PKD2L2: variants seen among roughly 807,000 people sequenced by gnomAD.
The protein encoded by PKD2L2 is polycystin 2 like 2, transient receptor potential cation channel, also known as polycystin-2-like protein 2.
In PKD2L2, 67 loss-of-function variants were observed where a neutral mutation model predicts 83.9. The observed-to-expected ratio is 0.80, with a 90% CI of 0.66 to 0.98. The LOEUF is 0.98. Among genes scored for constraint, PKD2L2 ranks in the 50% least tolerant of loss-of-function variants. PKD2L2 has a pLI of 0.00. For missense variants in PKD2L2, 632 were observed against 717.2 expected (o/e 0.88, Z 1.36); for synonymous variants, 223 against 237.8 (o/e 0.94, Z 0.57).
rs1448317991 is a variant in PKD2L2 at position 137,899,032 on chromosome 5, TCTTG to T, written c.525-480_525-477del. ...TAATCCTTTAATCCTTAATGCATTG[TCTTG>T]CTTTAAAATTACTAGAATACTTATG... On this transcript the variant is annotated intron_variant, in intron 4 of 14. Transcript: ENST00000508883. Among the ~76,000 whole-genome samples the T allele has an allele frequency of 2.0e-5, 3 of 152,334 alleles. No individual in the cohort carries two copies. The South Asian group carries it at 6.2e-4, about 32-fold the overall frequency.
In PKD2L2 at chr5:137,932,087, G is replaced by A. The variant is rs556007044; in HGVS notation, c.1672-3710G>A. ...TAAAGACACAAAAATACCGGGCATG[G>A]TGGTTCATACCTGTAATCCCAGCAC... On this transcript the variant is annotated intron_variant, in intron 12 of 14. Coordinates refer to ENST00000508883, the MANE Select transcript of PKD2L2 (RefSeq NM_001300921.2). Among the ~76,000 whole-genome samples, 8 of 152,242 alleles carry A rather than the reference G, an allele frequency of 5.3e-5. No individual in the cohort carries two copies. In the East Asian group the frequency reaches 1.5e-3, roughly 29 times the overall value.
At position 137,894,694 on chromosome 5, in the gene PKD2L2, T is replaced by G. The variant is rs1756285022; in HGVS notation, c.524+85T>G. On this transcript the variant is annotated intron_variant, in intron 4 of 14. Transcript: ENST00000508883. The stretch of plus-strand genomic sequence containing the variant: ...TATGTGTCTTCCAAGTAACACCAGC[T>G]GGGTCCTGGAAGGGTAAGGAAACTG... The G allele has an allele frequency of 4.7e-6, 5 of 1,059,510 alleles. No individual in the cohort carries two copies. In the South Asian group the frequency reaches 7.5e-5, roughly 16 times the overall value. 65.6% of individuals were successfully genotyped at this position (1,059,510 alleles called of 1,614,324 possible).
chr5:137,921,523 G>A, intron 8 of PKD2L2, 113 bp from the exon 9 acceptor site: 1 of 670,492 alleles, frequency 1.5e-6, no homozygotes, highest in Non-Finnish European at 2.5e-6. Flanking sequence ...ATTAAAGTCA[G>A]AAAGCATATA....
At position 137,890,512 on chromosome 5, in the gene PKD2L2, G is replaced by T; in HGVS notation, c.63G>T (p.Lys21Asn). The T allele has an allele frequency of 6.3e-7, 1 of 1,589,488 alleles. No homozygotes were observed. Among genetic ancestry groups the T allele is most frequent in the South Asian group, 1.2e-5 (1 of 84,760 alleles). ...CGAAACATAAGTTGCATTACAGAAAGGAAGTAGAAATTACAACCACACTTC... is the reference window on the plus strand; with the variant it reads ...CGAAACATAAGTTGCATTACAGAAATGAAGTAGAAATTACAACCACACTTC... ...GASKHKLHYR[K>N]EVEITTTLQE... The change falls in exon 2 of 15, where the codon AAG becomes AAT. Residue 21 changes from lysine to asparagine, a missense_variant. Physicochemically the swap from Lys to Asn is moderately conservative, Grantham distance 94. Around this residue, in one of 3 missense-constraint regions of PKD2L2, gnomAD observed 229 missense variants for 281.5 expected, o/e 0.81. Transcript: ENST00000508883.
chr5:137,906,809 T>G (rs1267103559), intron 6 of PKD2L2, among the ~76,000 whole-genome samples: 1 of 152,156 alleles, frequency 6.6e-6, no homozygotes, highest in Non-Finnish European at 1.5e-5. Context: ...GTTGCCTAAA[T>G]CTGTTTTCCT....
In PKD2L2 at chr5:137,923,312, G is replaced by T. The variant is rs185753127; in HGVS notation, c.1450-108G>T. On this transcript the variant is annotated intron_variant, in intron 9 of 14. Coordinates refer to ENST00000508883, the MANE Select transcript of PKD2L2 (RefSeq NM_001300921.2). ...TTACAGGCGTGAGCCACCGCACCTGGCCTACTTTTAAAATTTAAATATAAT... is the reference window on the plus strand; with the variant it reads ...TTACAGGCGTGAGCCACCGCACCTGTCCTACTTTTAAAATTTAAATATAAT... 2.1e-3 allele frequency: 1,302 copies of T among 609,138 alleles called. 3 individuals carry two copies. The highest frequency in any genetic ancestry group is 3.1e-3 in the Non-Finnish European group (1,067 of 340,820). The allele number at this position is 609,138 out of a possible 1,614,324, so 37.7% of individuals were successfully genotyped here.
chr5:137,901,366 T>G (rs929965129), intron 5 of PKD2L2, among the ~76,000 whole-genome samples: 2 of 151,970 alleles, frequency 1.3e-5, no homozygotes, highest in African/African-American at 4.8e-5. Context: ...AGAAAGGATA[T>G]CTGCCTGAAC....
At chr5:137,916,266 C>T (rs1580949837) in intron 8 of PKD2L2, among the ~76,000 whole-genome samples, 1 of 151,944 alleles carries the variant, frequency 6.6e-6, no homozygotes, top group Non-Finnish European at 1.5e-5. Context: ...ACCTCTGACT[C>T]CCAGGTTCAA....
rs1383497322 is a variant in PKD2L2 at position 137,889,491 on chromosome 5, C to G, written c.-1C>G. On this transcript the variant is annotated 5_prime_UTR_variant, in exon 1 of 15. Transcript: ENST00000508883. ...AACGGGCGGTGTAGTGCAGGTCCGC[C>G]ATGGCTGAGGCGTCACGGTGGCACC... 1 of 1,567,868 alleles carries G rather than the reference C, an allele frequency of 6.4e-7. No individual in the cohort carries two copies. The highest frequency in any genetic ancestry group is 8.6e-7 in the Non-Finnish European group (1 of 1,162,688).
At chr5:137,890,334 G>T in intron 1 of PKD2L2, 147 bp from the exon 2 acceptor site, 1 of 570,196 alleles carries the variant, frequency 1.8e-6, no homozygotes, top group South Asian at 2.5e-5. Context: ...TCCCTGCCTC[G>T]TAAAACTAAG....
chr5:137,907,774 C>A lies in PKD2L2; in HGVS notation c.1008C>A (p.Tyr336Ter). The stretch of plus-strand genomic sequence containing the variant: ...TTGTGGCTGTTTCCTTCAACACATA[C>A]TATAATGTACAAATTTTTCTCTTAC... ...LCFVAVSFNT[Y>*]YNVQIFLLLG... The change falls in exon 7 of 15, where the codon TAC (tyrosine) becomes TAA (stop). Residue 336 changes from tyrosine to a stop codon, truncating the protein, a stop_gained. Coordinates refer to ENST00000508883, the MANE Select transcript of PKD2L2 (RefSeq NM_001300921.2). LOFTEE classifies it high-confidence loss of function. 1 of 1,573,376 alleles carries A rather than the reference C, an allele frequency of 6.4e-7. No individual in the cohort carries two copies. Among genetic ancestry groups the A allele is most frequent in the Non-Finnish European group, 8.6e-7 (1 of 1,158,872 alleles).
chr5:137,922,986 AT>A (rs970883541), intron 9 of PKD2L2, among the ~76,000 whole-genome samples: 1 of 145,704 alleles, frequency 6.9e-6, no homozygotes, highest in Non-Finnish European at 1.5e-5. Context: ...TTAAAATTTG[AT>A]TTTTTTTGTT....
intron 12 of PKD2L2, among the ~76,000 whole-genome samples, chr5:137,927,545 A>G (rs11242399): frequency 0.74 from 112,412 of 152,048 alleles, 42,199 homozygotes; most frequent in East Asian, 0.97. Flanking sequence ...TTGAAAGAGA[A>G]ACAGAGGATT....
At chr5:137,923,826 C>A (rs914219975) in intron 10 of PKD2L2, among the ~76,000 whole-genome samples, 1 of 152,092 alleles carries the variant, frequency 6.6e-6, no homozygotes, top group Admixed American at 6.6e-5. Flanking sequence ...TATAATAAAA[C>A]CCTCTCTTCC....
chr5:137,894,407 C>T lies in PKD2L2; in HGVS notation c.322C>T (p.Gln108Ter). 6.2e-7 allele frequency: 1 copy of T among 1,611,822 alleles called. No individual in the cohort carries two copies. The highest frequency in any genetic ancestry group is 8.5e-7 in the Non-Finnish European group (1 of 1,179,076). The part of the protein sequence containing the change: ...GLYWDSWYNN[Q>*]QLYNLKNSSR... The stretch of plus-strand genomic sequence containing the variant: ...GTACTGGGATTCATGGTACAATAAC[C>T]AGCAGCTGTATAATTTAAAGAACAG... Residue 108 changes from glutamine to a stop codon, truncating the protein, a stop_gained, in exon 4 of 15, where the codon CAG (glutamine) becomes TAG (stop). Transcript: ENST00000508883. LOFTEE classifies it high-confidence loss of function.
At chr5:137,910,704 G>A (rs967665090) in intron 8 of PKD2L2, among the ~76,000 whole-genome samples, 12 of 151,236 alleles carry the variant, frequency 7.9e-5, no homozygotes, top group Non-Finnish European at 1.0e-4. Flanking sequence ...CCTTTAACCC[G>A]AGAGGCAGAG....
At chr5:137,905,904 T>C (rs1449192145) in intron 5 of PKD2L2, among the ~76,000 whole-genome samples, 3 of 152,096 alleles carry the variant, frequency 2.0e-5, no homozygotes, top group South Asian at 4.1e-4. Flanking sequence ...TTCCCAGTTA[T>C]GAACAAGCAA....
Position 137,906,320 on chromosome 5 carries a change from C to A in PKD2L2, c.861C>A (p.Ile287=), listed in dbSNP as rs1269114115. 6 of 1,605,278 alleles carry A rather than the reference C, an allele frequency of 3.7e-6. No homozygotes were observed. Among genetic ancestry groups the A allele is most frequent in the Non-Finnish European group, 5.1e-6 (6 of 1,172,168 alleles). Residue 287 remains isoleucine (I), a synonymous_variant, in exon 6 of 15, where the codon ATC becomes ATA. Coordinates refer to ENST00000508883, the MANE Select transcript of PKD2L2 (RefSeq NM_001300921.2). The part of the protein sequence containing the change: ...YYDYFIASCE[I]TFCIFLFVFT... ...ACTATTTTATTGCTTCCTGTGAAAT[C>A]ACATTCTGTATTTTTCTTTTTGTCT...
intron 8 of PKD2L2, among the ~76,000 whole-genome samples, chr5:137,918,844 C>CTTTTTTT (rs796480261): frequency 2.8e-5 from 4 of 144,616 alleles, no homozygotes; most frequent in African/African-American, 2.6e-5. Context: ...TTCCAAGAAT[C>CTTTTTTT]TTTTTTTTTT....
Sources: gnomAD v4.1 joint callset for allele counts (sites outside exome capture counted in the v4.1 genomes callset) on GRCh38, gnomAD v4.1.1 for gene constraint, gnomAD v4.1.1 regional missense constraint, MANE v1.5 for transcripts, NCBI Gene and HGNC (gene_info 2026-07-23, HGNC 2026-07-21) for gene names.